MSLN: variants seen among roughly 807,000 people sequenced by gnomAD.
MSLN encodes mesothelin.
Under a neutral mutation model 72.6 loss-of-function variants are expected in MSLN, and 82 were observed. The observed-to-expected ratio is 1.13, with a 90% CI of 0.94 to 1.36. MSLN has a LOEUF of 1.36. Among genes scored for constraint, MSLN ranks in the 40% most tolerant of loss-of-function variants. MSLN has a pLI of 0.00. For missense variants in MSLN, 1,005 were observed against 847.9 expected, an observed-to-expected ratio of 1.19 and a Z score of -2.30; for synonymous variants, 456 against 387.3, an observed-to-expected ratio of 1.18 and a Z score of -2.08.
In MSLN at chr16:764,638, C is replaced by A. The variant is rs1023873833; in HGVS notation, c.301-9C>A. 6.2e-7 allele frequency: 1 copy of A among 1,611,580 alleles called. No homozygotes were observed. The highest frequency in any genetic ancestry group is 2.2e-5 in the East Asian group (1 of 44,876). On this transcript the variant is annotated splice_polypyrimidine_tract_variant and intron_variant, in intron 6 of 17. Coordinates refer to ENST00000545450, the MANE Select transcript of MSLN (RefSeq NM_005823.6). Reference sequence around the variant, plus strand: ...GAAACGCTCTGTGCTGGACTCCCTGCCCCTGCAGCTGCGCTGTCTGGCTCA... The same window carrying A: ...GAAACGCTCTGTGCTGGACTCCCTGACCCTGCAGCTGCGCTGTCTGGCTCA...
chr16:765,225 T>G lies in MSLN; in HGVS notation c.626T>G (p.Val209Gly). 6.3e-7 allele frequency: 1 copy of G among 1,585,756 alleles called. No individual in the cohort carries two copies. Among genetic ancestry groups the G allele is most frequent in the Non-Finnish European group, 8.5e-7 (1 of 1,172,288 alleles). ...GCCGAAGTGCTGCTACCCCGGCTGGTGAGCTGCCCGGGACCCCTGGACCAG... is the reference window on the plus strand; with the variant it reads ...GCCGAAGTGCTGCTACCCCGGCTGGGGAGCTGCCCGGGACCCCTGGACCAG... ...ESAEVLLPRLVSCPGPLDQDQ... is the reference protein window; with the variant it reads ...ESAEVLLPRLGSCPGPLDQDQ... Residue 209 changes from valine (V) to glycine (G), a missense_variant, in exon 9 of 18, where the codon GTG (valine) becomes GGG (glycine). Val to Gly is a moderately radical substitution (Grantham distance 109). Transcript: ENST00000545450.
rs765934215 is a variant in MSLN, at chr16:768,575, G to A, written c.1783+10G>A. ...GACCTCAGCATGCAAGGTGGGCGGG[G>A]CGGCCAGGCCAGGGCTGGGGGCAGA... On this transcript the variant is annotated intron_variant, in intron 17 of 17. Transcript: ENST00000545450. 2.1e-5 allele frequency: 33 copies of A among 1,608,018 alleles called. No homozygotes were observed. The highest frequency in any genetic ancestry group is 2.7e-5 in the Non-Finnish European group (32 of 1,177,602).
intron 3 of MSLN, 98 bp downstream of exon 3, chr16:762,863 G>A (rs1449986424): frequency 2.9e-6 from 3 of 1,049,090 alleles, no homozygotes; most frequent in Non-Finnish European, 4.1e-6. Context: ...CCTTCTCCCT[G>A]GAGTGCCTGT....
At chr16:764,822 G>C (rs2041582948) in intron 7 of MSLN, 85 bp from the exon 8 acceptor site, 2 of 1,583,348 alleles carry the variant, frequency 1.3e-6, no homozygotes, top group Middle Eastern at 3.4e-4. Context: ...GGCCACAGCA[G>C]AGATGTGGAG....
chr16:761,968 AG>A (rs2041541679), intron 2 of MSLN, among the ~76,000 whole-genome samples: 1 of 152,164 alleles, frequency 6.6e-6, no homozygotes, highest in Non-Finnish European at 1.5e-5. Flanking sequence ...CTACCCCAGG[AG>A]GACAATTCTT....
rs777761904 is a variant in MSLN at position 765,266 on chromosome 16, G to A, written c.667G>A (p.Ala223Thr). ...GPLDQDQQEA[A>T]RAALQGGGPP... Reference sequence around the variant, plus strand: ...CCTGGACCAGGACCAGCAGGAGGCAGCCAGGGCGGCTCTGCAGGGCGGGGG... The same window carrying A: ...CCTGGACCAGGACCAGCAGGAGGCAACCAGGGCGGCTCTGCAGGGCGGGGG... Residue 223 changes from alanine (A) to threonine (T), a missense_variant, in exon 9 of 18, where the codon GCC (alanine) becomes ACC (threonine). By Grantham distance (58) the Ala-to-Thr change is moderately conservative (BLOSUM62 0). Transcript: ENST00000545450. 1.3e-6 allele frequency: 2 copies of A among 1,584,754 alleles called. No individual in the cohort carries two copies. The highest frequency in any genetic ancestry group is 1.7e-6 in the Non-Finnish European group (2 of 1,172,102).
rs748849647 is a variant in MSLN at position 765,341 on chromosome 16, G to C, written c.704+38G>C. 2.2e-5 allele frequency: 34 copies of C among 1,512,034 alleles called. No individual in the cohort carries two copies. The South Asian group carries it at 3.8e-4, about 17-fold the overall frequency. The allele number at this position is 1,512,034 out of a possible 1,614,324, so 93.7% of individuals were successfully genotyped here. A position where few individuals can be genotyped will look rare whatever the true frequency, so the allele number is the denominator to read the frequency against. On this transcript the variant is annotated intron_variant, in intron 9 of 17. Transcript: ENST00000545450. Reference sequence around the variant, plus strand: ...GTCTGGAACCTCGAAGGCTCACCTGGCGGCGTGGTATCAGCAGCGTGAGGA... The same window carrying C: ...GTCTGGAACCTCGAAGGCTCACCTGCCGGCGTGGTATCAGCAGCGTGAGGA...
At chr16:768,162 G>T (rs989139415) in intron 16 of MSLN, among the ~76,000 whole-genome samples, 2 of 151,028 alleles carry the variant, frequency 1.3e-5, no homozygotes, top group African/African-American at 4.9e-5. Context: ...TCTGCAGTGG[G>T]GCGAGGCCTT....
At position 765,599 on chromosome 16, in the gene MSLN, C is replaced by T; in HGVS notation, c.777C>T (p.Ile259=). 1.2e-6 allele frequency: 2 copies of T among 1,604,114 alleles called. No homozygotes were observed. The highest frequency in any genetic ancestry group is 8.5e-7 in the Non-Finnish European group (1 of 1,179,020). Residue 259 remains isoleucine (I), a synonymous_variant, in exon 10 of 18, where the codon ATC becomes ATT. Coordinates refer to ENST00000545450, the MANE Select transcript of MSLN (RefSeq NM_005823.6). The stretch of plus-strand genomic sequence containing the variant: ...TGCTGCCCGTGCTGGGCCAGCCCAT[C>T]ATCCGCAGCATCCCGCAGGTGAGAC... ...RGLLPVLGQP[I]IRSIPQGIVA...
In MSLN at chr16:765,758, T is replaced by C; in HGVS notation, c.863T>C (p.Ile288Thr). The change falls in exon 11 of 18, where the codon ATC (isoleucine) becomes ACC (threonine). Residue 288 changes from isoleucine (I) to threonine (T), a missense_variant. By Grantham distance (89) the Ile-to-Thr change is moderately conservative. Coordinates refer to ENST00000545450, the MANE Select transcript of MSLN (RefSeq NM_005823.6). ...DPSWRQPERT[I>T]LRPRFRREVE... ...TCCTGGCGGCAGCCTGAACGGACCA[T>C]CCTCCGGCCGCGGTTCCGGCGGGAA... 5 of 1,600,334 alleles carry C rather than the reference T, an allele frequency of 3.1e-6. No individual in the cohort carries two copies. The highest frequency in any genetic ancestry group is 4.2e-6 in the Non-Finnish European group (5 of 1,179,680).
intron 13 of MSLN, 52 bp downstream of exon 13, chr16:766,542 G>A (rs1308695089): frequency 1.2e-6 from 2 of 1,610,584 alleles, no homozygotes; most frequent in Non-Finnish European, 1.7e-6. Flanking sequence ...AGGGCTGAGG[G>A]GCAGAGTGGG....
chr16:768,381 G>T lies in MSLN; in HGVS notation c.1599G>T (p.Pro533=). 3.3e-6 allele frequency: 5 copies of T among 1,504,804 alleles called. No homozygotes were observed. Among genetic ancestry groups the T allele is most frequent in the South Asian group, 1.4e-5 (1 of 73,998 alleles). 93.2% of individuals were successfully genotyped at this position (1,504,804 alleles called of 1,614,324 possible). ...FMKLRTDAVL[P]LTVAEVQKLL... is the part of the protein sequence containing the mutation. ...TGGCTGCCCGGGGTCTCTGGCAGCCGTTGACTGTGGCTGAGGTGCAGAAAC... is the reference window on the plus strand; with the variant it reads ...TGGCTGCCCGGGGTCTCTGGCAGCCTTTGACTGTGGCTGAGGTGCAGAAAC... Residue 533 remains proline, a splice_region_variant and synonymous_variant, in exon 17 of 18, where the codon CCG becomes CCT. Coordinates refer to ENST00000545450, the MANE Select transcript of MSLN (RefSeq NM_005823.6).
intron 7 of MSLN, 57 bp from the exon 8 acceptor site, chr16:764,829 GGAGGCCGGCCGGGCTGCCTCT>G (rs2041583028): frequency 1.3e-6 from 2 of 1,588,044 alleles, no homozygotes; most frequent in Non-Finnish European, 1.7e-6. Context: ...GCAGAGATGT[GGAGGCCGGCCGGGCTGCCTCT>G]CAGGGTGGGG....
In MSLN at chr16:766,717, A is replaced by G. The variant is rs764114656; in HGVS notation, c.1280A>G (p.Lys427Arg). The G allele has an allele frequency of 1.5e-5, 24 of 1,612,418 alleles. No individual in the cohort carries two copies. Among genetic ancestry groups the G allele is most frequent in the Non-Finnish European group, 2.0e-5 (24 of 1,179,868 alleles). ...RFVKGRGQLD[K>R]DTLDTLTAFY... ...GTGAAGGGAAGGGGCCAGCTAGACA[A>G]AGACACCCTAGACACCCTGACCGCC... is the stretch of plus-strand genomic sequence containing the variant. Residue 427 changes from lysine to arginine, a missense_variant, in exon 14 of 18, where the codon AAA becomes AGA. Lys to Arg is a conservative substitution (Grantham distance 26, BLOSUM62 2). Transcript: ENST00000545450.
chr16:767,230 G>T (rs1325011660), intron 15 of MSLN, 146 bp from the exon 16 acceptor site: 2 of 1,086,310 alleles, frequency 1.8e-6, no homozygotes, highest in African/African-American at 1.6e-5. Context: ...CACGCCTGGG[G>T]GTCAGGCGGC....
rs2041680513 is a variant in MSLN, at chr16:768,854, C to G, written c.*121C>G. ...CGCTCAGTAAACGGGAACATGCCCC[C>G]TGCAGACACGTCTTGTGGCCTCCGA... On this transcript the variant is annotated 3_prime_UTR_variant, in exon 18 of 18. Coordinates refer to ENST00000545450, the MANE Select transcript of MSLN (RefSeq NM_005823.6). 6.4e-6 allele frequency: 6 copies of G among 930,598 alleles called. No homozygotes were observed. In the South Asian group the frequency reaches 8.5e-5, roughly 13 times the overall value. The allele number at this position is 930,598 out of a possible 1,614,324, so 57.6% of individuals were successfully genotyped here.
In MSLN at chr16:768,432, G is replaced by A. The variant is rs559678507; in HGVS notation, c.1650G>A (p.Leu550=). Reference sequence around the variant, plus strand: ...TTCTGGGACCCCACGTGGAGGGCCTGAAGGCGGAGGAGCGGCACCGCCCGG... The same window carrying A: ...TTCTGGGACCCCACGTGGAGGGCCTAAAGGCGGAGGAGCGGCACCGCCCGG... The part of the protein sequence containing the change: ...QKLLGPHVEG[L]KAEERHRPVR... The change falls in exon 17 of 18, where the codon CTG becomes CTA. Residue 550 remains leucine (L), a synonymous_variant. Transcript: ENST00000545450. The A allele has an allele frequency of 6.6e-7, 1 of 1,521,668 alleles. No individual in the cohort carries two copies. Among genetic ancestry groups the A allele is most frequent in the Admixed American group, 2.1e-5 (1 of 46,962 alleles). 94.3% of individuals were successfully genotyped at this position (1,521,668 alleles called of 1,614,324 possible). A position where few individuals can be genotyped will look rare whatever the true frequency, so the allele number is the denominator to read the frequency against.
chr16:765,856 T>G (rs2041600680), intron 11 of MSLN, 66 bp downstream of exon 11: 6 of 1,486,466 alleles, frequency 4.0e-6, no homozygotes. Context: ...GGGCATCACT[T>G]TAGGGTCTCA....
chr16:768,152 T>C (rs1425940398), intron 16 of MSLN, among the ~76,000 whole-genome samples: 1 of 143,426 alleles, frequency 7.0e-6, no homozygotes, highest in Non-Finnish European at 1.5e-5. Context: ...GTAAGGCGGG[T>C]CTGCAGTGGG....
Sources: gnomAD v4.1 joint callset for allele counts (sites outside exome capture counted in the v4.1 genomes callset) on GRCh38, gnomAD v4.1.1 for gene constraint, MANE v1.5 for transcripts, NCBI Gene and HGNC (gene_info 2026-07-23, HGNC 2026-07-21) for gene names.